MYO16: variants seen among roughly 807,000 people sequenced by gnomAD.
The protein encoded by MYO16 is unconventional myosin-XVI.
MYO16 carries 94 observed loss-of-function variants against 205.3 expected under a neutral mutation model. The ratio of observed to expected loss-of-function variants is 0.46; its 90% confidence interval spans 0.39 to 0.54. The LOEUF (loss-of-function observed/expected upper bound fraction) is 0.54. Among genes scored for constraint, MYO16 ranks in the 20% least tolerant of loss-of-function variants. The pLI is 0.00. For synonymous variants in MYO16, 988 were observed against 954.0 expected, an observed-to-expected ratio of 1.04 and a Z score of -0.66; for missense variants, 2,315 against 2,387.5, an observed-to-expected ratio of 0.97 and a Z score of 0.63.
intron 28 of MYO16, among the ~76,000 whole-genome samples, chr13:109,114,291 C>T (rs1875561528): frequency 6.6e-6 from 1 of 152,188 alleles, no homozygotes; most frequent in African/African-American, 2.4e-5. Context: ...CTGGCCCCAT[C>T]CCAACCCACT....
At chr13:109,013,933 G>A (rs928327756) in intron 22 of MYO16, among the ~76,000 whole-genome samples, 6 of 152,238 alleles carry the variant, frequency 3.9e-5, no homozygotes, top group African/African-American at 1.2e-4. Flanking sequence ...TCACTCTGAC[G>A]GTAGTTTCTT....
chr13:109,020,105 G>A (rs759422198), intron 23 of MYO16, among the ~76,000 whole-genome samples, 194 bp downstream of exon 23: 5 of 152,082 alleles, frequency 3.3e-5, no homozygotes, highest in African/African-American at 4.8e-5. Context: ...GAATGATGAC[G>A]CACACTGTGT....
At chr13:108,596,898 C>CT (rs1312179865) in intron 1 of MYO16, among the ~76,000 whole-genome samples, 1 of 152,116 alleles carries the variant, frequency 6.6e-6, no homozygotes, top group Non-Finnish European at 1.5e-5. Context: ...AGCAGGGTGA[C>CT]TAAGGTTACA....
At chr13:108,844,774 T>C (rs1425045816) in intron 10 of MYO16, among the ~76,000 whole-genome samples, 2 of 152,164 alleles carry the variant, frequency 1.3e-5, no homozygotes, top group Admixed American at 1.3e-4. Context: ...TCCAGTTGAG[T>C]CATTTGTCAT....
At chr13:109,205,608 T>C (rs746123693) in intron 34 of MYO16, among the ~76,000 whole-genome samples, 61 of 152,060 alleles carry the variant, frequency 4.0e-4, no homozygotes, top group Non-Finnish European at 6.8e-4. Flanking sequence ...ACCAGTATAC[T>C]TCCTTAGAAT....
chr13:109,111,588 A>G (rs1261270334), intron 28 of MYO16, among the ~76,000 whole-genome samples: 2 of 152,234 alleles, frequency 1.3e-5, no homozygotes, highest in African/African-American at 4.8e-5. Flanking sequence ...ATTTTGTATG[A>G]AAATGAAGCA....
At chr13:108,810,344 G>C (rs1887251347) in intron 7 of MYO16, among the ~76,000 whole-genome samples, 1 of 152,128 alleles carries the variant, frequency 6.6e-6, no homozygotes, top group African/African-American at 2.4e-5. Context: ...GTGACCGAAA[G>C]ACAAAGGCAA....
intron 31 of MYO16, among the ~76,000 whole-genome samples, chr13:109,128,896 G>A (rs920188463): frequency 1.5e-4 from 22 of 149,506 alleles, no homozygotes; most frequent in Middle Eastern, 3.6e-3. Context: ...CTCAGCCTCC[G>A]GAGTACCTGG....
intron 20 of MYO16, among the ~76,000 whole-genome samples, chr13:108,978,008 T>C (rs1884325770): frequency 6.6e-6 from 1 of 152,056 alleles, no homozygotes; most frequent in Non-Finnish European, 1.5e-5. Flanking sequence ...TAATATTTGA[T>C]TTTTTTCTAT....
chr13:108,835,545 T>C (rs1210992242), intron 9 of MYO16, among the ~76,000 whole-genome samples: 2 of 152,174 alleles, frequency 1.3e-5, no homozygotes, highest in African/African-American at 2.4e-5. Context: ...AGCAACTTTG[T>C]AACCGGGTAA....
At chr13:108,661,393 T>C (rs1881495535) in intron 1 of MYO16, among the ~76,000 whole-genome samples, 2 of 152,092 alleles carry the variant, frequency 1.3e-5, no homozygotes, top group Non-Finnish European at 2.9e-5. Flanking sequence ...TTTTTCAGAA[T>C]TTTCTTCTTC....
chr13:108,888,240 A>G, intron 13 of MYO16, 132 bp from the exon 14 acceptor site: 1 of 594,722 alleles, frequency 1.7e-6, no homozygotes, highest in South Asian at 2.5e-5. Flanking sequence ...TTCCCTCCTC[A>G]TTTCTGTGTC....
At chr13:108,958,381 C>T (rs907524774) in intron 17 of MYO16, among the ~76,000 whole-genome samples, 1 of 151,636 alleles carries the variant, frequency 6.6e-6, no homozygotes, top group Non-Finnish European at 1.5e-5. Flanking sequence ...ACATAATCAC[C>T]TTGTTAAAAC....
At chr13:109,022,557 T>G (rs1249161119) in intron 23 of MYO16, among the ~76,000 whole-genome samples, 1 of 130,006 alleles carries the variant, frequency 7.7e-6, no homozygotes, top group Non-Finnish European at 1.6e-5. Context: ...TATTTCTATA[T>G]TCTACATACA....
intron 3 of MYO16, 125 bp downstream of exon 3, chr13:108,712,856 T>C: frequency 1.5e-6 from 1 of 685,820 alleles, no homozygotes. Context: ...GTGTTTCTAA[T>C]TAACAGGCTT....
intron 34 of MYO16, among the ~76,000 whole-genome samples, chr13:109,197,111 T>C (rs1187844745): frequency 6.6e-6 from 1 of 152,164 alleles, no homozygotes; most frequent in Non-Finnish European, 1.5e-5. Context: ...TGTCCCCCTC[T>C]CCTTCAGCGG....
At chr13:109,060,287 G>A (rs1479507490) in intron 27 of MYO16, among the ~76,000 whole-genome samples, 7 of 152,072 alleles carry the variant, frequency 4.6e-5, no homozygotes, top group East Asian at 1.9e-4. Flanking sequence ...CATATACACC[G>A]TGGAATACTA....
At chr13:109,086,041 GA>G (rs1888427255) in intron 27 of MYO16, among the ~76,000 whole-genome samples, 1 of 152,138 alleles carries the variant, frequency 6.6e-6, no homozygotes, top group African/African-American at 2.4e-5. Context: ...AAGTTCAAAT[GA>G]AAAATAGATT....
intron 16 of MYO16, among the ~76,000 whole-genome samples, chr13:108,931,245 T>A (rs890647286): frequency 1.3e-5 from 2 of 152,214 alleles, no homozygotes; most frequent in African/African-American, 4.8e-5. Context: ...ATTCTTTGTG[T>A]CTATCTCTGT....
Sources: allele counts gnomAD v4.1 joint callset (sites outside exome capture counted in the v4.1 genomes callset), GRCh38; gene constraint gnomAD v4.1.1; transcripts MANE v1.5; gene names NCBI Gene and HGNC (gene_info 2026-07-23, HGNC 2026-07-21).